Variants in RABGAP1L observed in about 807,000 individuals in gnomAD.
RABGAP1L encodes the protein rab GTPase-activating protein 1-like.
RABGAP1L carries 63 observed loss-of-function variants against 137.7 expected under a neutral mutation model. The ratio of observed to expected loss-of-function variants is 0.46; its 90% CI spans 0.37 to 0.56. The LOEUF is 0.56. RABGAP1L is among the 20% of genes least tolerant of loss of function. The pLI is 0.00. For synonymous variants in RABGAP1L, 431 were observed against 433.7 expected, an observed-to-expected ratio of 0.99 and a Z score of 0.08; for missense variants, 1,095 against 1,244.0, an observed-to-expected ratio of 0.88 and a Z score of 1.80.
At chr1:174,325,536 G>T (rs573709286) in intron 11 of RABGAP1L, among the ~76,000 whole-genome samples, 2 of 152,276 alleles carry the variant, frequency 1.3e-5, no homozygotes, top group South Asian at 4.1e-4. Flanking sequence ...AAGATTATTG[G>T]TTCTCTGTGA....
At chr1:174,731,479 C>T (rs1439279720) in intron 17 of RABGAP1L, among the ~76,000 whole-genome samples, 1 of 152,154 alleles carries the variant, frequency 6.6e-6, no homozygotes, top group Non-Finnish European at 1.5e-5. Context: ...TTTGCTTTTA[C>T]ATCTGTGAAA....
chr1:174,862,072 T>G (rs963308581), intron 19 of RABGAP1L, among the ~76,000 whole-genome samples: 2 of 152,208 alleles, frequency 1.3e-5, no homozygotes, highest in African/African-American at 4.8e-5. Context: ...TTTTGTGATT[T>G]CAGGTCTTAA....
intron 14 of RABGAP1L, among the ~76,000 whole-genome samples, chr1:174,660,897 A>G (rs1158194773): frequency 6.6e-6 from 1 of 152,182 alleles, no homozygotes; most frequent in East Asian, 1.9e-4. Context: ...TTGCCTTCAA[A>G]GATACTATAT....
chr1:174,288,821 G>A (rs544361134), intron 10 of RABGAP1L, among the ~76,000 whole-genome samples: 207 of 151,932 alleles, frequency 1.4e-3, no homozygotes, highest in Non-Finnish European at 2.6e-3. Flanking sequence ...TTTTCCTTCG[G>A]ATACTTCTGG....
At chr1:174,312,369 T>C (rs1457961409) in intron 11 of RABGAP1L, among the ~76,000 whole-genome samples, 1 of 152,232 alleles carries the variant, frequency 6.6e-6, no homozygotes, top group Admixed American at 6.5e-5. Flanking sequence ...TTCATATGCC[T>C]GTTTGCCATT....
intron 24 of RABGAP1L, among the ~76,000 whole-genome samples, 191 bp downstream of exon 24, chr1:174,983,096 A>G (rs1671273282): frequency 6.6e-6 from 1 of 152,246 alleles, no homozygotes; most frequent in African/African-American, 2.4e-5. Flanking sequence ...TGATGCTCCC[A>G]TAAATCATAT....
intron 19 of RABGAP1L, among the ~76,000 whole-genome samples, chr1:174,927,708 C>T (rs1162695978): frequency 6.6e-6 from 1 of 152,214 alleles, no homozygotes; most frequent in African/African-American, 2.4e-5. Flanking sequence ...CACACCACCA[C>T]AGCTGGATGA....
intron 19 of RABGAP1L, among the ~76,000 whole-genome samples, chr1:174,825,612 G>T (rs1253397303): frequency 2.0e-5 from 3 of 152,214 alleles, no homozygotes; most frequent in African/African-American, 7.2e-5. Context: ...GGCCAGGCAT[G>T]GTGGCTCACA....
In RABGAP1L at chr1:174,976,200, T is replaced by C. The variant is rs1321355087; in HGVS notation, c.2649+18T>C. The C allele has an allele frequency of 2.0e-6, 3 of 1,512,848 alleles. No individual in the cohort carries two copies. In the Admixed American group the frequency reaches 5.9e-5, roughly 30 times the overall value. The allele number at this position is 1,512,848 out of a possible 1,614,324, so 93.7% of individuals were successfully genotyped here. On this transcript the variant is annotated intron_variant, in intron 22 of 25. Coordinates refer to ENST00000681986, the MANE Select transcript of RABGAP1L (RefSeq NM_001366446.1). ...CTGCCCAGGTAAAAGGAATAATATG[T>C]AGGCTTTTCTTTACAAAGGTATGTT...
intron 6 of RABGAP1L, among the ~76,000 whole-genome samples, chr1:174,251,951 C>T (rs549680102): frequency 6.7e-6 from 1 of 150,232 alleles, no homozygotes; most frequent in South Asian, 2.1e-4. Flanking sequence ...GGCAAGATTG[C>T]AGCAGTGCAA....
chr1:174,217,694 A>G (rs1669443504), intron 1 of RABGAP1L, among the ~76,000 whole-genome samples: 1 of 152,202 alleles, frequency 6.6e-6, no homozygotes. Flanking sequence ...GGTTTTAAAA[A>G]GGAAGGGTGT....
chr1:174,714,044 C>T (rs1224950252), intron 17 of RABGAP1L, among the ~76,000 whole-genome samples: 1 of 152,156 alleles, frequency 6.6e-6, no homozygotes, highest in Non-Finnish European at 1.5e-5. Context: ...TATTCCCTTC[C>T]TTCCTCCCCA....
intron 12 of RABGAP1L, among the ~76,000 whole-genome samples, chr1:174,374,296 CAG>C (rs764308133): frequency 3.9e-5 from 6 of 152,150 alleles, no homozygotes; most frequent in Admixed American, 6.5e-5. Context: ...ACTCTCTGGA[CAG>C]AGTTTATTTG....
chr1:174,789,559 T>G (rs1687701307), intron 18 of RABGAP1L, among the ~76,000 whole-genome samples: 1 of 152,114 alleles, frequency 6.6e-6, no homozygotes, highest in South Asian at 2.1e-4. Context: ...CTAAATTTAC[T>G]CAGCATCTGC....
intron 11 of RABGAP1L, among the ~76,000 whole-genome samples, chr1:174,366,632 G>A (rs563025725): frequency 4.0e-5 from 6 of 151,794 alleles, no homozygotes; most frequent in Non-Finnish European, 8.8e-5. Flanking sequence ...AAAATTAGCC[G>A]GGTTTGGTGG....
intron 13 of RABGAP1L, among the ~76,000 whole-genome samples, chr1:174,472,798 T>A (rs559978925): frequency 3.7e-4 from 57 of 152,304 alleles, no homozygotes; most frequent in Non-Finnish European, 6.9e-4. Flanking sequence ...ATTGTTCATA[T>A]AACAGTTTAG....
Position 174,239,157 on chromosome 1 carries a change from G to A in RABGAP1L, c.543-2326G>A, listed in dbSNP as rs1358724211. ...ACCGTGCGCGCACCAACTGGCCTGCGCCCACTGTCTGGCACTCCCTAGTGA... is the reference window on the plus strand; with the variant it reads ...ACCGTGCGCGCACCAACTGGCCTGCACCCACTGTCTGGCACTCCCTAGTGA... On this transcript the variant is annotated intron_variant, in intron 4 of 25. Transcript: ENST00000681986. 5.9e-5 allele frequency among the ~76,000 whole-genome samples: 9 copies of A among 152,178 alleles called. 1 individual carries two copies. Among genetic ancestry groups the A allele is most frequent in the Non-Finnish European group, 7.4e-5 (5 of 67,984 alleles).
In RABGAP1L at chr1:174,550,983, C is replaced by CATATATATATACATATATATAT. The variant is rs1422356201; in HGVS notation, c.1711-86381_1711-86380insCATATATATATATATATATATA. On this transcript the variant is annotated intron_variant, in intron 13 of 25. Transcript: ENST00000681986. ...ACACATATATATACATGTATATATA[C>CATATATATATACATATATATAT]ATATATATATATACACATATATATA... Among the ~76,000 whole-genome samples, 103 of 83,414 alleles carry CATATATATATACATATATATAT rather than the reference C, an allele frequency of 1.2e-3. 4 individuals carry two copies. The highest frequency in any genetic ancestry group is 3.8e-3 in the Admixed American group (30 of 7,928). 54.7% of individuals were successfully genotyped at this position (83,414 alleles called of 152,430 possible).
At chr1:174,474,195 A>T (rs1658247208) in intron 13 of RABGAP1L, among the ~76,000 whole-genome samples, 1 of 152,154 alleles carries the variant, frequency 6.6e-6, no homozygotes, top group Non-Finnish European at 1.5e-5. Context: ...CATGGAAATT[A>T]TTTATTCAAT....
Sources: allele counts gnomAD v4.1 joint callset (sites outside exome capture counted in the v4.1 genomes callset), GRCh38; gene constraint gnomAD v4.1.1; transcripts MANE v1.5; gene names NCBI Gene and HGNC (gene_info 2026-07-23, HGNC 2026-07-21).